The following AGBL1 variants were observed in gnomAD, a reference collection of about 807,000 sequenced individuals.
AGBL1 encodes cytosolic carboxypeptidase 4.
A neutral mutation model predicts 118.9 loss-of-function variants in AGBL1; 130 were observed. That is an observed-to-expected ratio of 1.09 (90% CI 0.95 to 1.26). The LOEUF is 1.26. Among genes scored for constraint, AGBL1 ranks in the 50% most tolerant of loss-of-function variants. The pLI is 0.00. For missense variants in AGBL1, 1,584 were observed against 1,298.1 expected, an observed-to-expected ratio of 1.22 and a Z score of -3.38; for synonymous variants, 555 against 478.9, an observed-to-expected ratio of 1.16 and a Z score of -2.08.
At chr15:86,661,918 T>G (rs190533447) in intron 21 of AGBL1, among the ~76,000 whole-genome samples, 11 of 152,298 alleles carry the variant, frequency 7.2e-5, no homozygotes, top group Admixed American at 6.5e-4. Flanking sequence ...GATCTAAAGT[T>G]TCTTTCTTCG....
At chr15:86,568,807 G>A (rs1263612158) in intron 21 of AGBL1, among the ~76,000 whole-genome samples, 1 of 152,208 alleles carries the variant, frequency 6.6e-6, no homozygotes, top group Non-Finnish European at 1.5e-5. Flanking sequence ...AGGTGAGGTA[G>A]ATTGGAAAGA....
intron 22 of AGBL1, among the ~76,000 whole-genome samples, chr15:86,748,323 G>A (rs1042777751): frequency 6.6e-6 from 1 of 151,884 alleles, no homozygotes; most frequent in African/African-American, 2.4e-5. Flanking sequence ...TTTTGATGGG[G>A]TTGTTTGTTT....
chr15:86,173,558 G>A (rs1252705213), intron 5 of AGBL1, among the ~76,000 whole-genome samples: 1 of 152,024 alleles, frequency 6.6e-6, no homozygotes, highest in Non-Finnish European at 1.5e-5. Flanking sequence ...TTTTCTTCTA[G>A]TAGTTTCATA....
chr15:86,795,237 G>A (rs1427905759), intron 22 of AGBL1, among the ~76,000 whole-genome samples: 2 of 152,168 alleles, frequency 1.3e-5, no homozygotes, highest in Admixed American at 6.5e-5. Flanking sequence ...CCCCTGCATT[G>A]TGAAAGGGAG....
chr15:86,892,583 T>A (rs2080067286), intron 22 of AGBL1, among the ~76,000 whole-genome samples: 1 of 152,128 alleles, frequency 6.6e-6, no homozygotes, highest in Admixed American at 6.6e-5. Context: ...TAAGTAGGAT[T>A]GATAAGATCT....
chr15:86,242,453 T>G (rs2078655114), intron 6 of AGBL1, among the ~76,000 whole-genome samples: 1 of 152,104 alleles, frequency 6.6e-6, no homozygotes, highest in Non-Finnish European at 1.5e-5. Flanking sequence ...AAAGACTGAG[T>G]GATAGAGCTG....
chr15:86,673,320 C>A (rs1056251958), intron 21 of AGBL1, among the ~76,000 whole-genome samples: 4 of 152,104 alleles, frequency 2.6e-5, no homozygotes, highest in Non-Finnish European at 5.9e-5. Context: ...AAAGAGTTCG[C>A]TGAGCCCAAG....
chr15:87,027,114 T>A (rs573693145), intron 24 of AGBL1, among the ~76,000 whole-genome samples: 2 of 152,092 alleles, frequency 1.3e-5, no homozygotes, highest in Admixed American at 6.6e-5. Context: ...AAACACCACC[T>A]GTTCCTCAAT....
intron 22 of AGBL1, among the ~76,000 whole-genome samples, chr15:86,810,289 G>C (rs113329404): frequency 1.2e-3 from 189 of 152,126 alleles, no homozygotes; most frequent in African/African-American, 4.3e-3. Flanking sequence ...GTGAGTAGAG[G>C]TTTTCTGATC....
At position 86,103,542 on chromosome 15, in the gene AGBL1, G is replaced by T. The variant is rs73460844; in HGVS notation, c.51+23519G>T. 3.6e-3 allele frequency among the ~76,000 whole-genome samples: 550 copies of T among 152,242 alleles called. 4 individuals are homozygous for T. Among genetic ancestry groups the T allele is most frequent in the African/African-American group, 0.013 (526 of 41,536 alleles). ...TCCTGAAGACATACCAATGGTGTTGGTTAGCTAGGACACTTTGGCTTTGCT... is the reference window on the plus strand; with the variant it reads ...TCCTGAAGACATACCAATGGTGTTGTTTAGCTAGGACACTTTGGCTTTGCT... On this transcript the variant is annotated intron_variant, in intron 1 of 22. Coordinates refer to ENST00000614907, the MANE Select transcript of AGBL1 (RefSeq NM_001386094.1).
At chr15:86,601,761 A>G (rs2437807) in intron 21 of AGBL1, among the ~76,000 whole-genome samples, 38,001 of 152,072 alleles carry the variant, frequency 0.25, 4,870 homozygotes, top group South Asian at 0.29. Flanking sequence ...TAATTTCTCC[A>G]ATCCCTTCTA....
chr15:86,900,482 T>C (rs1481633602), intron 22 of AGBL1, among the ~76,000 whole-genome samples: 1 of 152,182 alleles, frequency 6.6e-6, no homozygotes, highest in African/African-American at 2.4e-5. Flanking sequence ...TTCTTAGTTC[T>C]TTCTTTTAAT....
At chr15:86,290,687 T>A (rs184459847) in intron 16 of AGBL1, among the ~76,000 whole-genome samples, 98 of 151,818 alleles carry the variant, frequency 6.5e-4, no homozygotes, top group Middle Eastern at 3.4e-3. Flanking sequence ...TTATTTATTT[T>A]TTTTATTTTA....
intron 5 of AGBL1, among the ~76,000 whole-genome samples, chr15:86,190,240 T>C (rs1212718846): frequency 6.6e-6 from 1 of 152,138 alleles, no homozygotes; most frequent in African/African-American, 2.4e-5. Flanking sequence ...TTTAAAAAGA[T>C]TTAAATAAAT....
chr15:86,642,729 T>C (rs767391607), intron 21 of AGBL1, among the ~76,000 whole-genome samples: 22 of 152,150 alleles, frequency 1.4e-4, no homozygotes, highest in Non-Finnish European at 1.8e-4. Context: ...ATTTGCTTGG[T>C]TTTTATTTAA....
chr15:86,149,749 C>T (rs1276806912), intron 3 of AGBL1, among the ~76,000 whole-genome samples: 1 of 152,144 alleles, frequency 6.6e-6, no homozygotes, highest in African/African-American at 2.4e-5. Context: ...ATATCCAGGA[C>T]TTGAACTCAG....
chr15:86,154,326 G>C (rs543673831), intron 3 of AGBL1, 104 bp from the exon 4 acceptor site: 1 of 1,325,952 alleles, frequency 7.5e-7, no homozygotes, highest in South Asian at 1.5e-5. Flanking sequence ...CTTTGGCTAT[G>C]ATTATCCTCC....
chr15:86,598,276 C>T (rs1897827234), intron 21 of AGBL1, among the ~76,000 whole-genome samples: 1 of 152,058 alleles, frequency 6.6e-6, no homozygotes, highest in Admixed American at 6.6e-5. Context: ...GAGTAGAGTG[C>T]AATGGACCAT....
intron 1 of AGBL1, among the ~76,000 whole-genome samples, chr15:86,127,800 A>G (rs998374914): frequency 1.3e-5 from 2 of 152,172 alleles, no homozygotes; most frequent in African/African-American, 4.8e-5. Context: ...CCCTCCTGTG[A>G]GAGGTCCTCT....
Sources: gnomAD v4.1 joint callset for allele counts (sites outside exome capture counted in the v4.1 genomes callset) on GRCh38, gnomAD v4.1.1 for gene constraint, MANE v1.5 for transcripts, NCBI Gene and HGNC (gene_info 2026-07-23, HGNC 2026-07-21) for gene names.